LRFN5: variants seen among roughly 807,000 people sequenced by gnomAD.
LRFN5 encodes the protein leucine-rich repeat and fibronectin type-III domain-containing protein 5.
Under a neutral mutation model 45.6 loss-of-function variants are expected in LRFN5, and 24 were observed. The ratio of observed to expected loss-of-function variants is 0.53; its 90% CI spans 0.38 to 0.74. The LOEUF (loss-of-function observed/expected upper bound fraction) is 0.74. LRFN5 is among the 30% of genes least tolerant of loss of function. The pLI is 0.00. For synonymous variants in LRFN5, 340 were observed against 313.8 expected (o/e 1.08, Z -0.88); for missense variants, 776 against 861.5 (o/e 0.90, Z 1.24).
At chr14:41,659,803 T>A (rs1173626774) in intron 1 of LRFN5, among the ~76,000 whole-genome samples, 1 of 152,176 alleles carries the variant, frequency 6.6e-6, no homozygotes, top group East Asian at 1.9e-4. Context: ...TAATGGCCAA[T>A]GATGATGAGC....
At chr14:41,850,807 A>G (rs1485076702) in intron 2 of LRFN5, among the ~76,000 whole-genome samples, 3 of 151,718 alleles carry the variant, frequency 2.0e-5, no homozygotes, top group Non-Finnish European at 4.4e-5. Context: ...CACCCCCTCC[A>G]TGCTAGAGAC....
chr14:41,719,783 T>C (rs1360657894), intron 1 of LRFN5, among the ~76,000 whole-genome samples: 2 of 151,966 alleles, frequency 1.3e-5, no homozygotes, highest in Non-Finnish European at 2.9e-5. Context: ...TCCATATATA[T>C]ATATATTTCC....
chr14:41,689,886 C>G (rs1882293448), intron 1 of LRFN5, among the ~76,000 whole-genome samples: 1 of 106,068 alleles, frequency 9.4e-6, no homozygotes, highest in African/African-American at 4.2e-5. Flanking sequence ...CAGAGCGAGA[C>G]TCCGTCTCAA....
chr14:41,674,408 C>G (rs1462778239), intron 1 of LRFN5, among the ~76,000 whole-genome samples: 21 of 118,434 alleles, frequency 1.8e-4, no homozygotes, highest in African/African-American at 6.5e-4. Flanking sequence ...CCGGACGGGG[C>G]GGCTGGCCGG....
At chr14:41,754,575 G>C (rs1324415868) in intron 1 of LRFN5, among the ~76,000 whole-genome samples, 1 of 152,164 alleles carries the variant, frequency 6.6e-6, no homozygotes, top group Non-Finnish European at 1.5e-5. Context: ...AGTATTCTCT[G>C]ATGGTAGTTT....
intron 2 of LRFN5, among the ~76,000 whole-genome samples, chr14:41,795,998 G>A (rs1203546103): frequency 6.6e-6 from 1 of 151,558 alleles, no homozygotes; most frequent in Non-Finnish European, 1.5e-5. Context: ...TTTTATCTTA[G>A]TAATGGGCAT....
intron 1 of LRFN5, among the ~76,000 whole-genome samples, chr14:41,610,412 C>T (rs1887699280): frequency 6.6e-6 from 1 of 151,908 alleles, no homozygotes; most frequent in Admixed American, 6.6e-5. Flanking sequence ...TCTTTCTTCC[C>T]TCCCTTCTTG....
intron 2 of LRFN5, among the ~76,000 whole-genome samples, chr14:41,835,388 A>G (rs1013630605): frequency 2.0e-5 from 3 of 152,228 alleles, no homozygotes; most frequent in Non-Finnish European, 4.4e-5. Flanking sequence ...CAAGGGTTCA[A>G]ATAAACCTTT....
chr14:41,700,719 G>T (rs1882808973), intron 1 of LRFN5: 1 of 152,040 alleles, frequency 6.6e-6, no homozygotes. Context: ...AGAGTAATAG[G>T]TTTGGGAAGA....
Sources: allele counts gnomAD v4.1 joint callset (sites outside exome capture counted in the v4.1 genomes callset), GRCh38; gene constraint gnomAD v4.1.1; transcripts MANE v1.5; gene names NCBI Gene and HGNC (gene_info 2026-07-23, HGNC 2026-07-21).